Variants in GRIK4 observed in about 807,000 individuals in gnomAD.
GRIK4 encodes the protein glutamate ionotropic receptor kainate type subunit 4.
GRIK4 carries 40 observed loss-of-function variants against 104.9 expected under a neutral mutation model. The ratio of observed to expected loss-of-function variants is 0.38; its 90% confidence interval spans 0.30 to 0.50. The LOEUF (loss-of-function observed/expected upper bound fraction) is 0.50, where lower values mean the gene tolerates loss of function less well. Among genes scored for constraint, GRIK4 ranks in the 20% least tolerant of loss-of-function variants. GRIK4 has a pLI of 0.93. For missense variants in GRIK4, 1,047 were observed against 1,308.1 expected, an observed-to-expected ratio of 0.80 and a Z score of 3.08; for synonymous variants, 485 against 524.9, an observed-to-expected ratio of 0.92 and a Z score of 1.04.
At chr11:120,820,337 T>C (rs1277005756) in intron 6 of GRIK4, among the ~76,000 whole-genome samples, 1 of 152,144 alleles carries the variant, frequency 6.6e-6, no homozygotes, top group African/African-American at 2.4e-5. Flanking sequence ...AGGGAACATA[T>C]AAAATTGGAT....
At chr11:120,530,442 T>C (rs1034938472) in intron 1 of GRIK4, among the ~76,000 whole-genome samples, 10 of 152,046 alleles carry the variant, frequency 6.6e-5, no homozygotes, top group Admixed American at 2.0e-4. Flanking sequence ...CTGGTCCAGT[T>C]TGGTGAGTCG....
chr11:120,710,248 A>G (rs1007169800), intron 3 of GRIK4, among the ~76,000 whole-genome samples: 11 of 152,126 alleles, frequency 7.2e-5, no homozygotes, highest in African/African-American at 2.2e-4. Context: ...TGAACTGGAT[A>G]TTTTCTGGGA....
intron 17 of GRIK4, among the ~76,000 whole-genome samples, chr11:120,961,367 A>T (rs1237139886): frequency 6.6e-6 from 1 of 152,082 alleles, no homozygotes; most frequent in Non-Finnish European, 1.5e-5. Context: ...TGTTTATATT[A>T]ATGGCCATTA....
intron 3 of GRIK4, among the ~76,000 whole-genome samples, chr11:120,704,628 G>T (rs1167637322): frequency 3.3e-5 from 5 of 152,134 alleles, no homozygotes; most frequent in Admixed American, 3.3e-4. Flanking sequence ...GCTTGCTGTT[G>T]TGTCTAGAAC....
chr11:120,848,911 T>A (rs938680597), intron 8 of GRIK4, among the ~76,000 whole-genome samples: 2 of 151,968 alleles, frequency 1.3e-5, no homozygotes, highest in Non-Finnish European at 2.9e-5. Flanking sequence ...GAGAACAGAA[T>A]GGATATTGCC....
At chr11:120,950,589 G>C (rs1355890352) in intron 14 of GRIK4, among the ~76,000 whole-genome samples, 1 of 152,082 alleles carries the variant, frequency 6.6e-6, no homozygotes, top group Non-Finnish European at 1.5e-5. Flanking sequence ...GAGAAACTTG[G>C]GGGTCAAAAA....
At chr11:120,581,806 CT>C (rs1948584173) in intron 1 of GRIK4, among the ~76,000 whole-genome samples, 14 of 150,542 alleles carry the variant, frequency 9.3e-5, no homozygotes, top group Admixed American at 9.3e-4. Flanking sequence ...GAAGATTTTT[CT>C]TTTTTTCTTT....
Position 120,819,617 on chromosome 11 carries a change from G to A in GRIK4, c.346-138G>A, listed in dbSNP as rs1295058433. 1.3e-6 allele frequency: 1 copy of A among 743,746 alleles called. No individual in the cohort carries two copies. The highest frequency in any genetic ancestry group is 1.7e-5 in the African/African-American group (1 of 57,444). 46.1% of individuals were successfully genotyped at this position (743,746 alleles called of 1,614,324 possible). Reference sequence around the variant, plus strand: ...CTCCCACGGAGTGGGTGCCCTGGGAGCTCCTTCTCCCATTGGTGTCTGGCG... The same window carrying A: ...CTCCCACGGAGTGGGTGCCCTGGGAACTCCTTCTCCCATTGGTGTCTGGCG... On this transcript the variant is annotated intron_variant, in intron 5 of 20. Coordinates refer to ENST00000527524, the MANE Select transcript of GRIK4 (RefSeq NM_014619.5). The surrounding 1 kb of genome is among the most constrained non-coding windows in gnomAD (Gnocchi z 4.3).
At chr11:120,750,909 G>C (rs1951537247) in intron 3 of GRIK4, among the ~76,000 whole-genome samples, 1 of 152,182 alleles carries the variant, frequency 6.6e-6, no homozygotes, top group East Asian at 1.9e-4. Context: ...ATTAAATTCA[G>C]ATCACACAGT....
intron 6 of GRIK4, among the ~76,000 whole-genome samples, 162 bp downstream of exon 6, chr11:120,820,082 CGTGTGTGTGTGT>C (rs35140379): frequency 2.1e-5 from 3 of 144,834 alleles, no homozygotes; most frequent in South Asian, 4.6e-4. Context: ...CTCATGTGTC[CGTGTGTGTGTGT>C]GTGTGTGTGT....
At chr11:120,655,977 G>A (rs986350763) in intron 2 of GRIK4, among the ~76,000 whole-genome samples, 1 of 152,164 alleles carries the variant, frequency 6.6e-6, no homozygotes, top group African/African-American at 2.4e-5. Flanking sequence ...AGATGTCAAT[G>A]CCACAGCATG....
chr11:120,778,957 T>G (rs575316776), intron 3 of GRIK4, among the ~76,000 whole-genome samples: 1 of 152,142 alleles, frequency 6.6e-6, no homozygotes. Flanking sequence ...ACGGCGGGGC[T>G]CCACATCTCA....
chr11:120,556,037 A>ATCTGTG (rs1288978185), intron 1 of GRIK4, among the ~76,000 whole-genome samples: 1 of 152,196 alleles, frequency 6.6e-6, no homozygotes, highest in Non-Finnish European at 1.5e-5. Flanking sequence ...CAAGGTTGCC[A>ATCTGTG]TGCCAGCACA....
Position 120,986,532 on chromosome 11 carries a change from C to A in GRIK4, c.*272C>A. 2.3e-6 allele frequency: 1 copy of A among 441,652 alleles called. No homozygotes were observed. Among genetic ancestry groups the A allele is most frequent in the Non-Finnish European group, 4.0e-6 (1 of 253,116 alleles). The allele number at this position is 441,652 out of a possible 1,614,324, so 27.4% of individuals were successfully genotyped here. On this transcript the variant is annotated 3_prime_UTR_variant, in exon 21 of 21. Coordinates refer to ENST00000527524, the MANE Select transcript of GRIK4 (RefSeq NM_014619.5). ...AAGGACCCATCTTCTCCCAGTGGGT[C>A]TTTCCCTCTCGCCAAAATAACAAGA... is the stretch of plus-strand genomic sequence containing the variant.
At chr11:120,575,298 A>G (rs1050550712) in intron 1 of GRIK4, among the ~76,000 whole-genome samples, 1 of 151,800 alleles carries the variant, frequency 6.6e-6, no homozygotes, top group Non-Finnish European at 1.5e-5. Flanking sequence ...CTATCTTTCC[A>G]TTTATCATCT....
intron 13 of GRIK4, among the ~76,000 whole-genome samples, chr11:120,926,557 G>C (rs1943350063): frequency 6.6e-6 from 1 of 152,194 alleles, no homozygotes; most frequent in Non-Finnish European, 1.5e-5. Flanking sequence ...AGATTATGCA[G>C]TTAGTAAGTG....
chr11:120,516,986 C>T (rs1243402068), intron 1 of GRIK4, among the ~76,000 whole-genome samples: 2 of 128,744 alleles, frequency 1.6e-5, no homozygotes, highest in Non-Finnish European at 3.3e-5. Flanking sequence ...CGCGTGCTGC[C>T]GGGGGCCAGC....
At chr11:120,839,990 G>A (rs549040384) in intron 8 of GRIK4, among the ~76,000 whole-genome samples, 1 of 152,222 alleles carries the variant, frequency 6.6e-6, no homozygotes, top group African/African-American at 2.4e-5. Flanking sequence ...CCTGAGCCTT[G>A]GGTGACAGAG....
At chr11:120,572,991 T>TTCATTCATTCATTCAGTAG (rs1375864171) in intron 1 of GRIK4, among the ~76,000 whole-genome samples, 5 of 150,358 alleles carry the variant, frequency 3.3e-5, no homozygotes, top group African/African-American at 9.8e-5. Flanking sequence ...ATTCACTTCA[T>TTCATTCATTCATTCAGTAG]TCATTCATTC....
Sources: allele counts gnomAD v4.1 joint callset (sites outside exome capture counted in the v4.1 genomes callset), GRCh38; gene constraint gnomAD v4.1.1; non-coding constraint Gnocchi (gnomAD v3.1); transcripts MANE v1.5; gene names NCBI Gene and HGNC (gene_info 2026-07-23, HGNC 2026-07-21).